The following CACNA1B variants were observed in gnomAD, a reference collection of about 807,000 sequenced individuals.
CACNA1B encodes the protein voltage-dependent N-type calcium channel subunit alpha-1B.
In CACNA1B, 70 loss-of-function variants were observed where a neutral mutation model predicts 247.2. That is an observed-to-expected ratio of 0.28 (90% CI 0.23 to 0.35). CACNA1B has a LOEUF of 0.35. Among genes scored for constraint, CACNA1B ranks in the 10% least tolerant of loss-of-function variants. The probability of loss-of-function intolerance (pLI) is 1.00; values close to 1 mark genes in which losing one functional copy is unlikely to be tolerated. For synonymous variants in CACNA1B, 1,231 were observed against 1,294.4 expected (o/e 0.95, Z 1.05); for missense variants, 2,367 against 3,197.4 (o/e 0.74, Z 6.26).
chr9:137,980,596 A>G (rs1173543582), intron 12 of CACNA1B, among the ~76,000 whole-genome samples: 1 of 152,184 alleles, frequency 6.6e-6, no homozygotes, highest in African/African-American at 2.4e-5. Flanking sequence ...GAGGTTTGGG[A>G]TACACACGAT....
At chr9:137,982,235 C>T (rs1958303105) in intron 12 of CACNA1B, among the ~76,000 whole-genome samples, 1 of 152,208 alleles carries the variant, frequency 6.6e-6, no homozygotes, top group Admixed American at 6.5e-5. Flanking sequence ...GGAGAATTCA[C>T]TTCCAGCCTC....
intron 15 of CACNA1B, among the ~76,000 whole-genome samples, chr9:138,005,260 A>G (rs1430469979): frequency 6.6e-6 from 1 of 152,276 alleles, no homozygotes; most frequent in African/African-American, 2.4e-5. Context: ...TATGGTGTAT[A>G]TATAACAGAA....
rs189914077 is a variant in CACNA1B at position 138,010,296 on chromosome 9, G to A, written c.2160+219G>A. On this transcript the variant is annotated intron_variant, in intron 17 of 46. Transcript: ENST00000371372. The surrounding 1 kb of genome is among the most constrained non-coding windows in gnomAD (Gnocchi z 5.3). ...GCAGATGGACAGGCAGGCTCTCAGG[G>A]AAGCCAGCACAGGGAAGAATGGCCT... Among the ~76,000 whole-genome samples, 354 of 152,322 alleles carry A rather than the reference G, an allele frequency of 2.3e-3. No individual in the cohort carries two copies. Among genetic ancestry groups the A allele is most frequent in the African/African-American group, 8.1e-3 (335 of 41,574 alleles).
At chr9:137,937,310 T>C (rs1208559421) in intron 6 of CACNA1B, among the ~76,000 whole-genome samples, 1 of 151,792 alleles carries the variant, frequency 6.6e-6, no homozygotes, top group Non-Finnish European at 1.5e-5. Flanking sequence ...GTCTCAGCAA[T>C]AGAATTGAAC....
rs957924492 is a variant in CACNA1B at position 137,986,042 on chromosome 9, G to A, written c.1770-371G>A. Among the ~76,000 whole-genome samples, 2 of 152,224 alleles carry A rather than the reference G, an allele frequency of 1.3e-5. No individual in the cohort carries two copies. The highest frequency in any genetic ancestry group is 4.8e-5 in the African/African-American group (2 of 41,444). The stretch of plus-strand genomic sequence containing the variant: ...GTGGGACTTGCTTCACATGGCACTG[G>A]TCTGAGACACTTGGTGGCTGACTGG... On this transcript the variant is annotated intron_variant, in intron 13 of 46. Coordinates refer to ENST00000371372, the MANE Select transcript of CACNA1B (RefSeq NM_000718.4). This position sits in a 1 kb window ranked among gnomAD's most constrained non-coding sequence, Gnocchi z 6.0.
Position 138,120,807 on chromosome 9 carries a change from C to A in CACNA1B, c.6415C>A (p.Pro2139Thr). 6.4e-7 allele frequency: 1 copy of A among 1,561,262 alleles called. No individual in the cohort carries two copies. Among genetic ancestry groups the A allele is most frequent in the Non-Finnish European group, 8.7e-7 (1 of 1,152,988 alleles). Residue 2139 changes from proline to threonine, a missense_variant, in exon 46 of 47, where the codon CCG becomes ACG. Coordinates refer to ENST00000371372, the MANE Select transcript of CACNA1B (RefSeq NM_000718.4). The part of the protein sequence containing the change: ...SCDRFGGREP[P>T]KPKPSLSSHP... The stretch of plus-strand genomic sequence containing the variant: ...CGACCGCTTTGGGGGCCGTGAGCCC[C>A]CGAAGCCCAAGCCCTCCCTCAGCAG...
At chr9:138,028,876 G>C (rs1384979337) in intron 20 of CACNA1B, among the ~76,000 whole-genome samples, 1 of 152,184 alleles carries the variant, frequency 6.6e-6, no homozygotes, top group East Asian at 1.9e-4. Flanking sequence ...AAAGTTCCCA[G>C]AGTTAAAAAG....
At chr9:138,097,915 TC>T (rs1354697156) in intron 37 of CACNA1B, among the ~76,000 whole-genome samples, 2 of 152,010 alleles carry the variant, frequency 1.3e-5, no homozygotes, top group African/African-American at 4.8e-5. Flanking sequence ...CCACTCAGCC[TC>T]CCCGGAGCAC....
chr9:138,036,402 G>A (rs1479603447), intron 20 of CACNA1B, among the ~76,000 whole-genome samples: 2 of 152,220 alleles, frequency 1.3e-5, no homozygotes, highest in Non-Finnish European at 2.9e-5. Context: ...GCCTCCCAAA[G>A]TGCTGGGATT....
chr9:138,124,343 C>T lies in CACNA1B; in HGVS notation c.*2344C>T, dbSNP rs559593524. ...ATGTATATCTTCGTACTTTTTGATA[C>T]AATGTATTCATTTGTTAATTTTTAA... On this transcript the variant is annotated 3_prime_UTR_variant, in exon 47 of 47. Transcript: ENST00000371372. 6.6e-6 allele frequency: 1 copy of T among 151,254 alleles called. No individual in the cohort carries two copies. The highest frequency in any genetic ancestry group is 1.5e-5 in the Non-Finnish European group (1 of 67,912). The allele number at this position is 151,254 out of a possible 1,614,324, so 9.4% of individuals were successfully genotyped here.
chr9:137,917,998 C>T lies in CACNA1B; in HGVS notation c.966+567C>T, dbSNP rs187602619. 9.6e-4 allele frequency among the ~76,000 whole-genome samples: 147 copies of T among 152,340 alleles called. No homozygotes were observed. The highest frequency in any genetic ancestry group is 1.2e-3 in the Non-Finnish European group (83 of 68,028). On this transcript the variant is annotated intron_variant, in intron 6 of 46. Transcript: ENST00000371372. The surrounding 1 kb of genome is among the most constrained non-coding windows in gnomAD (Gnocchi z 5.5). ...AGGCTGCCCGGCGAAGGTGGTGAAC[C>T]GCGGAGCAGGGCCGAGGCCCCCAAG...
Position 137,888,950 on chromosome 9 carries a change from G to T in CACNA1B, c.530+6067G>T, listed in dbSNP as rs1273740568. On this transcript the variant is annotated intron_variant, in intron 3 of 46. Transcript: ENST00000371372. The surrounding 1 kb of genome is among the most constrained non-coding windows in gnomAD (Gnocchi z 4.7). ...GTGTGCGGCTCAGGGATGACCTGAC[G>T]CTGTGTCTGAAAACAGGTGACAGCC... 6.9e-6 allele frequency among the ~76,000 whole-genome samples: 1 copy of T among 144,466 alleles called. No individual in the cohort carries two copies. Among genetic ancestry groups the T allele is most frequent in the Non-Finnish European group, 1.6e-5 (1 of 63,138 alleles). The allele number at this position is 144,466 out of a possible 152,430, so 94.8% of individuals were successfully genotyped here.
At chr9:137,988,278 A>G (rs1312058391) in intron 15 of CACNA1B, among the ~76,000 whole-genome samples, 1 of 152,094 alleles carries the variant, frequency 6.6e-6, no homozygotes, top group Admixed American at 6.5e-5. Flanking sequence ...AAGCAGCAAA[A>G]ACGTGAGGAG....
chr9:137,886,844 A>ATGTGG (rs1957021995), intron 3 of CACNA1B, among the ~76,000 whole-genome samples: 1 of 152,204 alleles, frequency 6.6e-6, no homozygotes, highest in African/African-American at 2.4e-5. Flanking sequence ...GAGATAAAGC[A>ATGTGG]TGCAGGGTGC....
chr9:138,056,049 A>C (rs1424398553), intron 26 of CACNA1B, among the ~76,000 whole-genome samples: 1 of 152,036 alleles, frequency 6.6e-6, no homozygotes, highest in Non-Finnish European at 1.5e-5. Flanking sequence ...AAACAGAAAC[A>C]AAAAAACAGC....
In CACNA1B at chr9:137,990,143, G is replaced by C. The variant is rs1201933205; in HGVS notation, c.1974+3289G>C. 6.6e-6 allele frequency among the ~76,000 whole-genome samples: 1 copy of C among 152,106 alleles called. No homozygotes were observed. The highest frequency in any genetic ancestry group is 1.5e-5 in the Non-Finnish European group (1 of 68,026). On this transcript the variant is annotated intron_variant, in intron 15 of 46. Transcript: ENST00000371372. This position sits in a 1 kb window ranked among gnomAD's most constrained non-coding sequence, Gnocchi z 4.5. ...ACGGTAGGAGTGAGACCAGCCTTTT[G>C]GACTGCGGGCTGCGTGGGAGTGGGG...
chr9:137,975,862 G>T, intron 11 of CACNA1B, 45 bp from the exon 12 acceptor site: 1 of 1,193,996 alleles, frequency 8.4e-7, no homozygotes, highest in East Asian at 2.4e-5. Context: ...AGCCAGAGTG[G>T]GAGGAGGCCT....
intron 31 of CACNA1B, among the ~76,000 whole-genome samples, chr9:138,063,839 A>C (rs1159808892): frequency 6.6e-6 from 1 of 152,148 alleles, no homozygotes; most frequent in Non-Finnish European, 1.5e-5. Flanking sequence ...TTTATCTTTT[A>C]ATTATTCGAG....
At chr9:137,975,812 G>A (rs1958212951) in intron 11 of CACNA1B, 95 bp from the exon 12 acceptor site, 5 of 762,464 alleles carry the variant, frequency 6.6e-6, no homozygotes, top group Non-Finnish European at 1.2e-5. Flanking sequence ...GCTCAGCCCT[G>A]GGAAGGCCCA....
Sources: allele counts gnomAD v4.1 joint callset (sites outside exome capture counted in the v4.1 genomes callset), GRCh38; gene constraint gnomAD v4.1.1; non-coding constraint Gnocchi (gnomAD v3.1); transcripts MANE v1.5; gene names NCBI Gene and HGNC (gene_info 2026-07-23, HGNC 2026-07-21).